The following SAMSN1 variants were observed in gnomAD, a reference collection of about 807,000 sequenced individuals.
The protein encoded by SAMSN1 is SAM domain-containing protein SAMSN-1.
SAMSN1 carries 31 observed loss-of-function variants against 42.0 expected under a neutral mutation model. The observed-to-expected ratio is 0.74, with a 90% CI of 0.55 to 1.00. SAMSN1 has a LOEUF of 1.00. Among genes scored for constraint, SAMSN1 ranks in the 50% least tolerant of loss-of-function variants. The pLI is 0.00. For synonymous variants in SAMSN1, 178 were observed against 151.9 expected (o/e 1.17, Z -1.26); for missense variants, 464 against 439.4 (o/e 1.06, Z -0.50).
At chr21:14,568,032 T>C (rs1981177021) in intron 2 of SAMSN1, among the ~76,000 whole-genome samples, 1 of 152,204 alleles carries the variant, frequency 6.6e-6, no homozygotes, top group African/African-American at 2.4e-5. Flanking sequence ...AAATATCACC[T>C]AAGCAGCTTT....
Position 14,517,052 on chromosome 21 carries a change from A to C in SAMSN1, c.130-11T>G. The C allele has an allele frequency of 6.3e-7, 1 of 1,597,740 alleles. No homozygotes were observed. The highest frequency in any genetic ancestry group is 8.5e-7 in the Non-Finnish European group (1 of 1,173,940). ...ATCTCCTTCATGTGCCTAGTTTAGA[A>C]TTGTTTACAAAAGACAAAATAATAA... On this transcript the variant is annotated splice_polypyrimidine_tract_variant and intron_variant, in intron 2 of 7. Transcript: ENST00000400566.
intron 2 of SAMSN1, among the ~76,000 whole-genome samples, chr21:14,566,206 A>G (rs1981110281): frequency 6.6e-6 from 1 of 152,200 alleles, no homozygotes; most frequent in Non-Finnish European, 1.5e-5. Flanking sequence ...TGCACAACAA[A>G]TATAGCTATC....
At chr21:14,592,601 T>A in intron 7 of SAMSN1, 1 of 368,582 alleles carries the variant, frequency 2.7e-6, no homozygotes, top group South Asian at 2.0e-5. Flanking sequence ...TTTGACTACA[T>A]AAGTATCTTC....
At chr21:14,516,785 A>G in intron 3 of SAMSN1, 107 bp downstream of exon 3, 1 of 908,390 alleles carries the variant, frequency 1.1e-6, no homozygotes, top group South Asian at 2.0e-5. Flanking sequence ...GAGGAAGAAA[A>G]CAAATGCTTA....
upstream of SAMSN1, among the ~76,000 whole-genome samples, chr21:14,586,604 T>C (rs545609509): frequency 6.6e-6 from 1 of 152,252 alleles, no homozygotes; most frequent in East Asian, 1.9e-4. Context: ...GCGATAAACA[T>C]ATAAACAAGT....
intron 5 of SAMSN1, among the ~76,000 whole-genome samples, chr21:14,603,048 A>G (rs1982476084): frequency 6.6e-6 from 1 of 152,216 alleles, no homozygotes; most frequent in Non-Finnish European, 1.5e-5. Context: ...AATTCCAGAA[A>G]GTACCTAAAT....
chr21:14,600,312 A>G (rs1358662526), intron 6 of SAMSN1, among the ~76,000 whole-genome samples: 1 of 152,216 alleles, frequency 6.6e-6, no homozygotes, highest in Non-Finnish European at 1.5e-5. Context: ...AATATTTTGC[A>G]TAACACTCTT....
At chr21:14,495,046 C>T (rs112734026) in intron 7 of SAMSN1, among the ~76,000 whole-genome samples, 12 of 152,188 alleles carry the variant, frequency 7.9e-5, no homozygotes, top group Admixed American at 3.3e-4. Context: ...ATTGCCATTC[C>T]TCAAACTGAC....
chr21:14,605,848 A>AT (rs1474000105), intron 5 of SAMSN1, among the ~76,000 whole-genome samples: 1 of 148,362 alleles, frequency 6.7e-6, no homozygotes, highest in Non-Finnish European at 1.5e-5. Flanking sequence ...TTATTTATTT[A>AT]TTTATTTTTT....
At chr21:14,572,402 G>C (rs2123221697) in intron 2 of SAMSN1, among the ~76,000 whole-genome samples, 1 of 152,278 alleles carries the variant, frequency 6.6e-6, no homozygotes, top group Non-Finnish European at 1.5e-5. Flanking sequence ...AGGCTTATTT[G>C]ACTCACGGAG....
chr21:14,599,267 G>A (rs1245738614), intron 6 of SAMSN1, among the ~76,000 whole-genome samples: 1 of 152,106 alleles, frequency 6.6e-6, no homozygotes. Flanking sequence ...ACTGGATCAT[G>A]GAGGCAGTTT....
chr21:14,573,565 A>T (rs1981370053), intron 2 of SAMSN1, among the ~76,000 whole-genome samples: 1 of 152,140 alleles, frequency 6.6e-6, no homozygotes, highest in African/African-American at 2.4e-5. Context: ...CTAAACCTAA[A>T]CCAGCTGAGG....
At chr21:14,574,120 T>C (rs1457532564) in intron 2 of SAMSN1, among the ~76,000 whole-genome samples, 1 of 152,152 alleles carries the variant, frequency 6.6e-6, no homozygotes, top group Admixed American at 6.6e-5. Flanking sequence ...CTTCCTTCTG[T>C]TGGAGCATGC....
At chr21:14,606,482 C>G (rs1001210588) in intron 5 of SAMSN1, among the ~76,000 whole-genome samples, 4 of 151,982 alleles carry the variant, frequency 2.6e-5, no homozygotes, top group East Asian at 3.8e-4. Context: ...TTCACAGATT[C>G]AAAAGTTTGT....
intron 1 of SAMSN1, among the ~76,000 whole-genome samples, chr21:14,657,628 C>T (rs1420364281): frequency 6.6e-6 from 1 of 151,724 alleles, no homozygotes; most frequent in African/African-American, 2.4e-5. Flanking sequence ...TCATATAAAC[C>T]ACATATAGCT....
At chr21:14,654,147 C>A (rs1412773737) in intron 1 of SAMSN1, among the ~76,000 whole-genome samples, 1 of 151,698 alleles carries the variant, frequency 6.6e-6, no homozygotes, top group African/African-American at 2.4e-5. Flanking sequence ...GTTATGACAT[C>A]ATCTAGAAGC....
chr21:14,618,854 A>C (rs958402469), intron 2 of SAMSN1, among the ~76,000 whole-genome samples: 1 of 152,218 alleles, frequency 6.6e-6, no homozygotes, highest in African/African-American at 2.4e-5. Flanking sequence ...CCTTCACTTC[A>C]GTATCCCCTA....
chr21:14,533,709 T>G (rs1269631818), intron 1 of SAMSN1, among the ~76,000 whole-genome samples: 1 of 152,222 alleles, frequency 6.6e-6, no homozygotes, highest in East Asian at 1.9e-4. Context: ...TGTGGGAAAT[T>G]CATCTGCCAA....
chr21:14,534,661 G>A (rs1224154537), intron 1 of SAMSN1, among the ~76,000 whole-genome samples: 1 of 152,060 alleles, frequency 6.6e-6, no homozygotes, highest in East Asian at 1.9e-4. Flanking sequence ...GATTACAGGT[G>A]CCCGCCACCA....
Sources: gnomAD v4.1 joint callset for allele counts (sites outside exome capture counted in the v4.1 genomes callset) on GRCh38, gnomAD v4.1.1 for gene constraint, MANE v1.5 for transcripts, NCBI Gene and HGNC (gene_info 2026-07-23, HGNC 2026-07-21) for gene names.